The following MOK variants were observed in gnomAD, a reference collection of about 807,000 sequenced individuals.
MOK encodes MOK protein kinase, also known as MAPK/MAK/MRK overlapping kinase.
Under a neutral mutation model 54.2 loss-of-function variants are expected in MOK, and 59 were observed. The ratio of observed to expected loss-of-function variants is 1.09; its 90% CI spans 0.88 to 1.35. The LOEUF is 1.35. MOK is among the 40% of genes most tolerant of loss of function. The pLI is 0.00. For synonymous variants in MOK, 210 were observed against 202.7 expected (o/e 1.04, Z -0.31); for missense variants, 517 against 526.2 (o/e 0.98, Z 0.17).
downstream of MOK, chr14:102,223,014 G>T: frequency 1.9e-6 from 2 of 1,075,070 alleles, no homozygotes; most frequent in South Asian, 1.4e-5. Flanking sequence ...TAGCCGTGTG[G>T]ACGGTGACCG....
intron 4 of MOK, among the ~76,000 whole-genome samples, chr14:102,259,082 AAG>A (rs1266889102): frequency 2.0e-4 from 31 of 151,728 alleles, no homozygotes; most frequent in African/African-American, 4.1e-4. Flanking sequence ...AAAAAAAAAA[AAG>A]ACTATATACT....
At chr14:102,266,396 C>G (rs898549158) in intron 2 of MOK, among the ~76,000 whole-genome samples, 3 of 151,244 alleles carry the variant, frequency 2.0e-5, no homozygotes, top group African/African-American at 7.3e-5. Context: ...CCTCAACCTT[C>G]CAGGCTCAGG....
intron 4 of MOK, among the ~76,000 whole-genome samples, chr14:102,258,307 C>T (rs2067131049): frequency 6.6e-6 from 1 of 152,194 alleles, no homozygotes; most frequent in Non-Finnish European, 1.5e-5. Context: ...TTCATGTCCT[C>T]CAGCCACATG....
intron 2 of MOK, chr14:102,280,638 T>G (rs1366522758): frequency 6.6e-6 from 1 of 152,268 alleles, no homozygotes; most frequent in Non-Finnish European, 1.5e-5. Context: ...ACATTTGCCA[T>G]GTGTCCCACC....
At chr14:102,228,290 C>G (rs1224619884), downstream of MOK, among the ~76,000 whole-genome samples, 28 of 152,266 alleles carry the variant, frequency 1.8e-4, no homozygotes, top group Non-Finnish European at 4.4e-5. Flanking sequence ...AGAGACCCTT[C>G]AGGCCTGCCC....
chr14:102,263,519 G>C, intron 4 of MOK, 27 bp downstream of exon 4: 1 of 1,503,670 alleles, frequency 6.7e-7, no homozygotes, highest in Non-Finnish European at 9.1e-7. Context: ...GAGGATCTTA[G>C]GTTAGCTTTC....
At chr14:102,290,356 C>A (rs2070632179) in intron 1 of MOK, among the ~76,000 whole-genome samples, 1 of 151,860 alleles carries the variant, frequency 6.6e-6, no homozygotes, top group Non-Finnish European at 1.5e-5. Flanking sequence ...AGGCGAATCG[C>A]TTGAACCCAA....
intron 4 of MOK, among the ~76,000 whole-genome samples, chr14:102,254,894 C>T (rs369083510): frequency 2.9e-4 from 44 of 152,294 alleles, no homozygotes; most frequent in African/African-American, 9.9e-4. Flanking sequence ...ATTCCAGGAA[C>T]GCCCTTCCCA....
intron 4 of MOK, among the ~76,000 whole-genome samples, chr14:102,260,076 T>C (rs1427830395): frequency 1.3e-5 from 2 of 149,658 alleles, no homozygotes; most frequent in Non-Finnish European, 2.9e-5. Flanking sequence ...CTTGGGAGGC[T>C]AAGGCAGGAG....
intron 1 of MOK, among the ~76,000 whole-genome samples, chr14:102,300,285 T>C (rs563762952): frequency 3.3e-4 from 48 of 144,240 alleles, no homozygotes; most frequent in Non-Finnish European, 1.3e-4. Context: ...GATCGCGCCA[T>C]TGGACTCCAG....
At chr14:102,222,259 G>A (rs2063981108), downstream of MOK, among the ~76,000 whole-genome samples, 1 of 152,188 alleles carries the variant, frequency 6.6e-6, no homozygotes, top group African/African-American at 2.4e-5. This position sits in a 1 kb window ranked among gnomAD's most constrained non-coding sequence, Gnocchi z 4.4. Context: ...ACCTCGGCCT[G>A]GGCCCTGCTG....
chr14:102,283,949 T>C (rs1388312531), intron 1 of MOK, among the ~76,000 whole-genome samples: 7 of 152,192 alleles, frequency 4.6e-5, no homozygotes, highest in Non-Finnish European at 1.0e-4. Context: ...GCTGATGTCA[T>C]ATTGCAGCAG....
intron 2 of MOK, among the ~76,000 whole-genome samples, chr14:102,268,615 TA>T (rs972435523): frequency 1.3e-5 from 2 of 151,998 alleles, no homozygotes; most frequent in South Asian, 4.2e-4. Flanking sequence ...CTCAGACTTT[TA>T]AAAAAAATGT....
At chr14:102,292,648 T>C (rs192890909) in intron 1 of MOK, among the ~76,000 whole-genome samples, 16 of 152,068 alleles carry the variant, frequency 1.1e-4, no homozygotes, top group Non-Finnish European at 2.1e-4. Flanking sequence ...ACAGAACTGC[T>C]CATGCTCCAC....
intron 4 of MOK, among the ~76,000 whole-genome samples, chr14:102,261,033 A>T (rs1019381996): frequency 8.6e-5 from 13 of 151,794 alleles, no homozygotes; most frequent in Non-Finnish European, 1.6e-4. Flanking sequence ...CGAGACAGGC[A>T]GATCACGACG....
At chr14:102,234,018 G>C (rs2064989901) in intron 7 of MOK, 1 of 464,346 alleles carries the variant, frequency 2.2e-6, no homozygotes, top group Non-Finnish European at 3.9e-6. Context: ...CCATACCGAA[G>C]AACTCCCTCA....
Position 102,250,804 on chromosome 14 carries a change from G to A in MOK, c.590+8C>T, listed in dbSNP as rs1353689895. 7 of 1,612,290 alleles carry A rather than the reference G, an allele frequency of 4.3e-6. No homozygotes were observed. The highest frequency in any genetic ancestry group is 5.9e-6 in the Non-Finnish European group (7 of 1,178,832). On this transcript the variant is annotated splice_region_variant and intron_variant, in intron 7 of 11. Coordinates refer to ENST00000361847, the MANE Select transcript of MOK (RefSeq NM_014226.3). ...CAGGAACCAGGCAGGAGCCTGGCCT[G>A]GTGCTACCTGGCGATCTCGTAGAAC...
At chr14:102,281,413 C>T (rs1350850246) in intron 2 of MOK, among the ~76,000 whole-genome samples, 5 of 149,362 alleles carry the variant, frequency 3.3e-5, no homozygotes, top group Non-Finnish European at 7.4e-5. Flanking sequence ...GCTGGATAAT[C>T]GCTTGAGCCC....
At chr14:102,275,099 T>C (rs1045765368) in intron 2 of MOK, among the ~76,000 whole-genome samples, 2 of 152,010 alleles carry the variant, frequency 1.3e-5, no homozygotes, top group South Asian at 2.1e-4. Flanking sequence ...TGAAACAGAA[T>C]AGAGAGTCCA....
Sources: allele counts gnomAD v4.1 joint callset (sites outside exome capture counted in the v4.1 genomes callset), GRCh38; gene constraint gnomAD v4.1.1; non-coding constraint Gnocchi (gnomAD v3.1); transcripts MANE v1.5; gene names NCBI Gene and HGNC (gene_info 2026-07-23, HGNC 2026-07-21).